CCDC7: variants seen among roughly 807,000 people sequenced by gnomAD.
CCDC7 encodes coiled-coil domain-containing protein 7.
A neutral mutation model predicts 196.9 loss-of-function variants in CCDC7; 183 were observed. That is an observed-to-expected ratio of 0.93 (90% CI 0.82 to 1.05). The LOEUF (loss-of-function observed/expected upper bound fraction) is 1.05. Among genes scored for constraint, CCDC7 ranks in the 50% least tolerant of loss-of-function variants. The pLI is 0.00. For missense variants in CCDC7, 1,540 were observed against 1,482.2 expected, an observed-to-expected ratio of 1.04 and a Z score of -0.64; for synonymous variants, 525 against 484.6, an observed-to-expected ratio of 1.08 and a Z score of -1.10.
At chr10:32,611,645 C>A (rs2062149116) in intron 18 of CCDC7, among the ~76,000 whole-genome samples, 1 of 152,196 alleles carries the variant, frequency 6.6e-6, no homozygotes, top group South Asian at 2.1e-4. Flanking sequence ...CTATGGCTAG[C>A]CACTTTTCTC....
chr10:32,819,087 A>C (rs1008316588), intron 31 of CCDC7, among the ~76,000 whole-genome samples: 2 of 152,210 alleles, frequency 1.3e-5, no homozygotes, highest in African/African-American at 4.8e-5. Flanking sequence ...TAAAGAAGAA[A>C]GGAGAGAAGA....
chr10:32,533,797 TTTGCTTCTTTTCTC>T (rs1236740870), intron 11 of CCDC7, among the ~76,000 whole-genome samples: 1 of 152,100 alleles, frequency 6.6e-6, no homozygotes, highest in Non-Finnish European at 1.5e-5. Flanking sequence ...TAATATGTTA[TTTGCTTCTTTTCTC>T]TTGCTTCTTT....
chr10:32,490,998 C>T (rs530452721), intron 8 of CCDC7, among the ~76,000 whole-genome samples: 1 of 152,126 alleles, frequency 6.6e-6, no homozygotes, highest in Non-Finnish European at 1.5e-5. Context: ...CTTGGTTGTA[C>T]TTGATATATT....
At chr10:32,537,471 T>C (rs1242024347) in intron 11 of CCDC7, among the ~76,000 whole-genome samples, 1 of 152,216 alleles carries the variant, frequency 6.6e-6, no homozygotes, top group African/African-American at 2.4e-5. Context: ...GTTGATAGTT[T>C]CTTTTGTTAT....
chr10:32,507,181 C>T (rs1295706683), intron 9 of CCDC7, among the ~76,000 whole-genome samples: 7 of 151,766 alleles, frequency 4.6e-5, no homozygotes, highest in East Asian at 1.9e-4. Context: ...TTAGTAGAGA[C>T]GGGGTTTCAC....
At chr10:32,649,132 G>A (rs1312170165) in intron 20 of CCDC7, among the ~76,000 whole-genome samples, 1 of 152,140 alleles carries the variant, frequency 6.6e-6, no homozygotes, top group Non-Finnish European at 1.5e-5. Context: ...TACATGGGGG[G>A]ATCAACACAC....
chr10:32,882,178 A>C (rs1348441572), intron 22 of CCDC7, among the ~76,000 whole-genome samples: 1 of 152,228 alleles, frequency 6.6e-6, no homozygotes, highest in East Asian at 1.9e-4. Context: ...AGGAAAGCTA[A>C]GAATTTATAG....
At chr10:32,543,431 A>G in intron 12 of CCDC7, 46 bp downstream of exon 13, 1 of 1,238,916 alleles carries the variant, frequency 8.1e-7, no homozygotes, top group Non-Finnish European at 1.1e-6. Context: ...TTGTTAATTT[A>G]TATTTTCTTT....
chr10:32,660,604 A>G (rs1475555116), intron 20 of CCDC7, among the ~76,000 whole-genome samples: 2 of 149,582 alleles, frequency 1.3e-5, no homozygotes. Flanking sequence ...ATGTGTCTTT[A>G]TAGCAGCATG....
chr10:32,511,459 C>T (rs2046189415), intron 9 of CCDC7: 2 of 1,606,338 alleles, frequency 1.2e-6, no homozygotes, highest in Admixed American at 3.3e-5. Flanking sequence ...TGACTCTGTT[C>T]ATATATACTC....
intron 41 of CCDC7, among the ~76,000 whole-genome samples, chr10:32,873,058 G>A (rs2094485722): frequency 6.6e-6 from 1 of 151,920 alleles, no homozygotes; most frequent in Admixed American, 6.6e-5. Context: ...GGCTTTCTCT[G>A]TATTTCCTGA....
chr10:32,453,361 A>G, exon 2 of CCDC7: 1 of 1,504,796 alleles, frequency 6.6e-7, no homozygotes, highest in Non-Finnish European at 8.9e-7. Flanking sequence ...CCACTTTGGA[A>G]GAAACCTATG....
intron 37 of CCDC7, 107 bp from the exon 39 acceptor site, chr10:32,847,726 A>T: frequency 5.9e-6 from 4 of 677,534 alleles, no homozygotes; most frequent in Non-Finnish European, 9.7e-6. Flanking sequence ...AAAAAAAAAA[A>T]GGAAAAGAAA....
At chr10:32,583,262 G>A in exon 17 of CCDC7, 2 of 1,231,342 alleles carry the variant, frequency 1.6e-6, no homozygotes. Flanking sequence ...ACGAAACAGT[G>A]ATATCACCAT....
intron 8 of CCDC7, among the ~76,000 whole-genome samples, chr10:32,484,712 T>C (rs146838821): frequency 0.033 from 5,028 of 152,322 alleles, 101 homozygotes; most frequent in Non-Finnish European, 0.05. Context: ...CATGAAGCGC[T>C]GTTGAATTTT....
At chr10:32,449,777 G>A (rs1303845645), upstream of CCDC7, among the ~76,000 whole-genome samples, 1 of 152,124 alleles carries the variant, frequency 6.6e-6, no homozygotes, top group Non-Finnish European at 1.5e-5. Flanking sequence ...GGGGCCTTTA[G>A]GAGGTGATTA....
At chr10:32,630,558 G>A (rs1459044748) in intron 18 of CCDC7, among the ~76,000 whole-genome samples, 2 of 151,942 alleles carry the variant, frequency 1.3e-5, no homozygotes, top group East Asian at 3.9e-4. Flanking sequence ...GACAGACCCC[G>A]ATACAATAAT....
At chr10:32,482,221 A>G (rs1224263910) in intron 8 of CCDC7, among the ~76,000 whole-genome samples, 7 of 151,892 alleles carry the variant, frequency 4.6e-5, no homozygotes, top group Admixed American at 4.6e-4. Flanking sequence ...TTACATATTT[A>G]GAGGAGATAA....
At chr10:32,670,889 G>A (rs2073936445) in intron 21 of CCDC7, among the ~76,000 whole-genome samples, 1 of 151,334 alleles carries the variant, frequency 6.6e-6, no homozygotes, top group South Asian at 2.1e-4. Flanking sequence ...TTAGTTCCTT[G>A]TGGTGTAACA....
Sources: gnomAD v4.1 joint callset for allele counts (sites outside exome capture counted in the v4.1 genomes callset) on GRCh38, gnomAD v4.1.1 for gene constraint, MANE v1.5 for transcripts, NCBI Gene and HGNC (gene_info 2026-07-23, HGNC 2026-07-21) for gene names.